The following KLRG1 variants were observed in gnomAD, a reference collection of about 807,000 sequenced individuals.
KLRG1 encodes killer cell lectin-like receptor subfamily G member 1.
Under a neutral mutation model 21.8 loss-of-function variants are expected in KLRG1, and 16 were observed. That is an observed-to-expected ratio of 0.73 (90% CI 0.50 to 1.11). The LOEUF is 1.11. Ranked by LOEUF, KLRG1 falls within the 50% of genes most tolerant of loss-of-function variation. The probability of loss-of-function intolerance (pLI) is 0.00; values close to 1 mark genes in which losing one functional copy is unlikely to be tolerated. For synonymous variants in KLRG1, 69 were observed against 75.9 expected (o/e 0.91, Z 0.47); for missense variants, 173 against 218.3 (o/e 0.79, Z 1.31).
chr12:8,997,676 C>A (rs746947065), intron 3 of KLRG1, among the ~76,000 whole-genome samples: 6 of 152,176 alleles, frequency 3.9e-5, no homozygotes, highest in Non-Finnish European at 5.9e-5. Context: ...GAGATGCTTA[C>A]GTAGAGTTCA....
chr12:8,988,879 G>T (rs1374984677), upstream of KLRG1, among the ~76,000 whole-genome samples: 1 of 152,090 alleles, frequency 6.6e-6, no homozygotes, highest in Non-Finnish European at 1.5e-5. Context: ...ACCACACCTG[G>T]CCTACTCTAA....
the KLRG1 span, chr12:9,109,938 C>T: frequency 6.2e-7 from 1 of 1,614,016 alleles, no homozygotes; most frequent in Non-Finnish European, 8.5e-7. Flanking sequence ...CTTGTAGGAG[C>T]CCTGGAAGGG....
the KLRG1 span, chr12:9,157,797 A>C: frequency 6.2e-7 from 1 of 1,614,128 alleles, no homozygotes; most frequent in Non-Finnish European, 8.5e-7. Context: ...CCAGAAGGGC[A>C]ATAGTAACAT....
At chr12:9,118,158 A>T in the KLRG1 span, among the ~76,000 whole-genome samples, 3 of 152,234 alleles carry the variant, frequency 2.0e-5, no homozygotes, top group African/African-American at 7.2e-5. Context: ...TCTGTTTCAT[A>T]TACATGCAGC....
chr12:9,013,428 A>G, downstream of KLRG1, among the ~76,000 whole-genome samples: 1 of 152,228 alleles, frequency 6.6e-6, no homozygotes, highest in East Asian at 1.9e-4. Context: ...ATTCAGACAG[A>G]GAATGTGAAA....
chr12:9,196,667 T>A, the KLRG1 span: 2 of 1,610,800 alleles, frequency 1.2e-6, no homozygotes, highest in Non-Finnish European at 1.7e-6. Context: ...TGTTGGGTGA[T>A]GCAGCCATTG....
the KLRG1 span, chr12:9,094,842 G>C: frequency 2.3e-6 from 1 of 431,504 alleles, no homozygotes; most frequent in Non-Finnish European, 4.0e-6. Flanking sequence ...ATATGACCTT[G>C]AGCAATAACC....
chr12:9,007,416 A>G (rs148640943), intron 3 of KLRG1, among the ~76,000 whole-genome samples: 6 of 152,190 alleles, frequency 3.9e-5, no homozygotes, highest in East Asian at 3.9e-4. Context: ...GCCCGCCACC[A>G]TGCCTAATTT....
chr12:9,031,744 T>C, the KLRG1 span, among the ~76,000 whole-genome samples: 1 of 152,138 alleles, frequency 6.6e-6, no homozygotes, highest in African/African-American at 2.4e-5. Context: ...ACTTAAGAAA[T>C]GCATTGGTTT....
At chr12:9,017,598 TA>T in the KLRG1 span, among the ~76,000 whole-genome samples, 1 of 152,110 alleles carries the variant, frequency 6.6e-6, no homozygotes, top group African/African-American at 2.4e-5. Context: ...AAATTGGGTA[TA>T]CAAAGACATA....
the KLRG1 span, chr12:9,194,345 T>A: frequency 9.9e-7 from 1 of 1,007,718 alleles, no homozygotes; most frequent in Admixed American, 2.6e-5. Flanking sequence ...AACCTCCCCC[T>A]CAAAAAAACC....
chr12:9,192,783 C>A, the KLRG1 span: 1 of 1,377,634 alleles, frequency 7.3e-7, no homozygotes, highest in Non-Finnish European at 1.0e-6. Context: ...TCTTGAAATT[C>A]TTCACCTTAG....
chr12:9,124,174 G>T, the KLRG1 span, among the ~76,000 whole-genome samples: 3 of 152,212 alleles, frequency 2.0e-5, no homozygotes, highest in South Asian at 6.2e-4. Flanking sequence ...TCAGAGACAA[G>T]AGGATTCTCG....
intron 1 of KLRG1, among the ~76,000 whole-genome samples, chr12:8,972,602 T>C (rs114828981): frequency 0.014 from 2,086 of 152,332 alleles, 38 homozygotes; most frequent in African/African-American, 0.043. Context: ...AGCAACCTTG[T>C]CAAAGATCAT....
the KLRG1 span, among the ~76,000 whole-genome samples, chr12:9,140,178 G>A: frequency 2.0e-5 from 3 of 152,210 alleles, no homozygotes; most frequent in African/African-American, 7.2e-5. Flanking sequence ...GTAGTTGTCT[G>A]TGAAATGGCC....
At chr12:9,179,031 C>T in the KLRG1 span, among the ~76,000 whole-genome samples, 1 of 152,078 alleles carries the variant, frequency 6.6e-6, no homozygotes, top group Non-Finnish European at 1.5e-5. Flanking sequence ...GTTGATTGAC[C>T]CTTTTAAATG....
At chr12:9,112,591 CT>C in the KLRG1 span, 1 of 1,598,086 alleles carries the variant, frequency 6.3e-7, no homozygotes, top group Non-Finnish European at 8.6e-7. Context: ...GTCTCCTCCC[CT>C]ATTTGCTGTT....
At chr12:9,017,264 C>CA in the KLRG1 span, among the ~76,000 whole-genome samples, 641 of 53,116 alleles carry the variant, frequency 0.012, 37 homozygotes, top group Non-Finnish European at 0.015. Context: ...AACTCCATCT[C>CA]AAAAAAAAAA....
At chr12:9,097,753 C>G in the KLRG1 span, among the ~76,000 whole-genome samples, 1 of 151,880 alleles carries the variant, frequency 6.6e-6, no homozygotes, top group African/African-American at 2.4e-5. Flanking sequence ...CTGCCTCAGC[C>G]TCCTGAGTAG....
Sources: allele counts gnomAD v4.1 joint callset (sites outside exome capture counted in the v4.1 genomes callset), GRCh38; gene constraint gnomAD v4.1.1; transcripts MANE v1.5; gene names NCBI Gene and HGNC (gene_info 2026-07-23, HGNC 2026-07-21).